Variants in MEGF10 observed in about 807,000 individuals in gnomAD.
MEGF10 encodes multiple epidermal growth factor-like domains protein 10.
Under a neutral mutation model 147.5 loss-of-function variants are expected in MEGF10, and 86 were observed. That is an observed-to-expected ratio of 0.58 (90% confidence interval 0.49 to 0.70). MEGF10 has a LOEUF of 0.70. Ranked by LOEUF, MEGF10 falls within the 30% of genes least tolerant of loss-of-function variation. MEGF10 has a pLI of 0.00. For synonymous variants in MEGF10, 478 were observed against 525.5 expected (o/e 0.91, Z 1.24); for missense variants, 1,329 against 1,487.3 (o/e 0.89, Z 1.75).
intron 4 of MEGF10, among the ~76,000 whole-genome samples, chr5:127,348,061 ATTC>A (rs1165566106): frequency 6.6e-6 from 1 of 152,116 alleles, no homozygotes; most frequent in African/African-American, 2.4e-5. Context: ...GAAGATAAGA[ATTC>A]TTCTGCTGTA....
intron 1 of MEGF10, among the ~76,000 whole-genome samples, chr5:127,327,692 C>CT (rs1761091530): frequency 6.9e-6 from 1 of 145,384 alleles, no homozygotes; most frequent in African/African-American, 2.6e-5. Context: ...CTATCTGCTG[C>CT]TTTTTTCTTT....
the MEGF10 span, among the ~76,000 whole-genome samples, chr5:127,239,376 GACAC>G: frequency 0.13 from 16,588 of 123,326 alleles, 1,224 homozygotes; most frequent in East Asian, 0.33. Context: ...GATGATGGAA[GACAC>G]ACACACACAC....
At chr5:127,290,251 G>T (rs1759183449), upstream of MEGF10, among the ~76,000 whole-genome samples, 1 of 150,362 alleles carries the variant, frequency 6.7e-6, no homozygotes, top group East Asian at 2.0e-4. Flanking sequence ...TCACCTCCCC[G>T]CCCCACCTTT....
intron 1 of MEGF10, among the ~76,000 whole-genome samples, chr5:127,307,629 T>C (rs1221995191): frequency 6.6e-6 from 1 of 152,220 alleles, no homozygotes; most frequent in East Asian, 1.9e-4. Context: ...AACTTTAGCA[T>C]AGTCTCAAAA....
At chr5:127,375,441 AG>A (rs559962032) in intron 5 of MEGF10, among the ~76,000 whole-genome samples, 41 of 152,334 alleles carry the variant, frequency 2.7e-4, no homozygotes, top group African/African-American at 9.9e-4. Flanking sequence ...AATTGTAAAA[AG>A]TTTGTTCTCC....
rs1765808021 is a variant in MEGF10, at chr5:127,442,919, T to C, written c.2363-79T>C. 9 of 1,472,132 alleles carry C rather than the reference T, an allele frequency of 6.1e-6. No homozygotes were observed. In the South Asian group the frequency reaches 1.2e-4, roughly 19 times the overall value. 91.2% of individuals were successfully genotyped at this position (1,472,132 alleles called of 1,614,324 possible). On this transcript the variant is annotated intron_variant, in intron 18 of 24. Coordinates refer to ENST00000503335, the MANE Select transcript of MEGF10 (RefSeq NM_001256545.2). ...TCCCCTGAAAGGACTCAGCTCTAGATGTGCAGGGCTTGCAGTCAGAGACAG... is the reference window on the plus strand; with the variant it reads ...TCCCCTGAAAGGACTCAGCTCTAGACGTGCAGGGCTTGCAGTCAGAGACAG...
chr5:127,421,091 C>T (rs1444370357), intron 12 of MEGF10, among the ~76,000 whole-genome samples: 2 of 152,224 alleles, frequency 1.3e-5, no homozygotes, highest in Non-Finnish European at 2.9e-5. Flanking sequence ...GAGCTGTCAG[C>T]TTTGCTGCCT....
Position 127,458,207 on chromosome 5 carries a change from G to T in MEGF10, c.*889G>T, listed in dbSNP as rs1178844419. Reference sequence around the variant, plus strand: ...GAATGAGTGTGTAATGATTGATAAAGGTTGTAAATTTTAAATGCAAGATGA... The same window carrying T: ...GAATGAGTGTGTAATGATTGATAAATGTTGTAAATTTTAAATGCAAGATGA... On this transcript the variant is annotated 3_prime_UTR_variant, in exon 25 of 25. Transcript: ENST00000503335. 6.6e-6 allele frequency: 1 copy of T among 152,114 alleles called. No homozygotes were observed. The highest frequency in any genetic ancestry group is 1.5e-5 in the Non-Finnish European group (1 of 68,032). 9.4% of individuals were successfully genotyped at this position (152,114 alleles called of 1,614,324 possible).
intron 10 of MEGF10, among the ~76,000 whole-genome samples, 160 bp from the exon 11 acceptor site, chr5:127,418,960 T>A (rs1220965484): frequency 1.3e-5 from 2 of 152,232 alleles, no homozygotes; most frequent in South Asian, 4.1e-4. Flanking sequence ...ATTTCTAAAA[T>A]TTGTATAGTG....
At chr5:127,437,924 A>G (rs1343145234) in intron 16 of MEGF10, among the ~76,000 whole-genome samples, 1 of 152,204 alleles carries the variant, frequency 6.6e-6, no homozygotes, top group Non-Finnish European at 1.5e-5. Context: ...TCCTCTCCTC[A>G]CAGAGGCCTT....
chr5:127,270,081 A>C, the MEGF10 span, among the ~76,000 whole-genome samples: 1,003 of 152,344 alleles, frequency 6.6e-3, 11 homozygotes, highest in African/African-American at 0.023. Flanking sequence ...TGCTGAAGGA[A>C]GCACTAAACA....
At chr5:127,249,362 AAGGAGG>A in the MEGF10 span, among the ~76,000 whole-genome samples, 8 of 151,540 alleles carry the variant, frequency 5.3e-5, no homozygotes, top group South Asian at 2.1e-4. Context: ...AGAGAAGAAG[AAGGAGG>A]AGGAGGAGGA....
the MEGF10 span, among the ~76,000 whole-genome samples, chr5:127,266,553 G>T: frequency 1.1e-4 from 16 of 152,246 alleles, 1 homozygote; most frequent in African/African-American, 3.9e-4. Context: ...CTATCCATGA[G>T]CATGGAATGT....
At chr5:127,302,628 CA>C (rs1176507411) in intron 1 of MEGF10, among the ~76,000 whole-genome samples, 1 of 152,062 alleles carries the variant, frequency 6.6e-6, no homozygotes, top group Admixed American at 6.5e-5. Context: ...AAAGTTATCT[CA>C]AAAAAATCAG....
At chr5:127,423,281 A>G (rs1012882875) in intron 13 of MEGF10, among the ~76,000 whole-genome samples, 1 of 152,240 alleles carries the variant, frequency 6.6e-6, no homozygotes, top group Non-Finnish European at 1.5e-5. Flanking sequence ...ACAAATTCAT[A>G]ATATGACTGA....
At chr5:127,279,505 G>A in the MEGF10 span, among the ~76,000 whole-genome samples, 1 of 152,036 alleles carries the variant, frequency 6.6e-6, no homozygotes, top group Non-Finnish European at 1.5e-5. Context: ...CAGAAATAGT[G>A]TTGGAGTGAT....
Position 127,422,785 on chromosome 5 carries a change from G to A in MEGF10, c.1693+13G>A. 2 of 1,608,036 alleles carry A rather than the reference G, an allele frequency of 1.2e-6. No homozygotes were observed. Among genetic ancestry groups the A allele is most frequent in the South Asian group, 1.1e-5 (1 of 90,664 alleles). ...CCCGGATGGTCAGGTGAGAGCCAAGGACCGCTAATTGAAAGGTGAAACCCG... is the reference window on the plus strand; with the variant it reads ...CCCGGATGGTCAGGTGAGAGCCAAGAACCGCTAATTGAAAGGTGAAACCCG... On this transcript the variant is annotated intron_variant, in intron 13 of 24. Transcript: ENST00000503335.
At chr5:127,391,590 A>C (rs1763699329) in intron 5 of MEGF10, among the ~76,000 whole-genome samples, 1 of 150,042 alleles carries the variant, frequency 6.7e-6, no homozygotes, top group Non-Finnish European at 1.5e-5. Context: ...AAAAAAAAAG[A>C]GAGTGCTGGT....
chr5:127,341,604 G>C (rs1398850141), intron 4 of MEGF10, among the ~76,000 whole-genome samples: 1 of 152,114 alleles, frequency 6.6e-6, no homozygotes, highest in Non-Finnish European at 1.5e-5. Flanking sequence ...CCAACCCCTG[G>C]ATTCTATTCT....
Sources: gnomAD v4.1 joint callset for allele counts (sites outside exome capture counted in the v4.1 genomes callset) on GRCh38, gnomAD v4.1.1 for gene constraint, MANE v1.5 for transcripts, NCBI Gene and HGNC (gene_info 2026-07-23, HGNC 2026-07-21) for gene names.